The following DNAJC19 variants were observed in gnomAD, a reference collection of about 807,000 sequenced individuals.
DNAJC19 encodes the protein mitochondrial import inner membrane translocase subunit TIM14.
DNAJC19 carries 15 observed loss-of-function variants against 19.8 expected under a neutral mutation model. The ratio of observed to expected loss-of-function variants is 0.76; its 90% CI spans 0.51 to 1.17. The LOEUF is 1.17. Among genes scored for constraint, DNAJC19 ranks in the 50% most tolerant of loss-of-function variants. DNAJC19 has a pLI of 0.00. For missense variants in DNAJC19, 105 were observed against 140.9 expected, an observed-to-expected ratio of 0.75 and a Z score of 1.29; for synonymous variants, 38 against 42.1, an observed-to-expected ratio of 0.90 and a Z score of 0.38.
rs758818689 is a variant in DNAJC19, at chr3:180,986,986, G to A, written c.166C>T (p.Pro56Ser). Residue 56 changes from proline to serine, a missense_variant, in exon 4 of 6, where the codon CCC (proline) becomes TCC (serine). Pro to Ser is a moderately conservative substitution (Grantham distance 74, BLOSUM62 -1). Coordinates refer to ENST00000382564, the MANE Select transcript of DNAJC19 (RefSeq NM_145261.4). Reference protein sequence around the residue: ...SGGYYRGGFEPKMTKREAALI... With the variant: ...SGGYYRGGFESKMTKREAALI... ...GCTGCTTCCCGTTTTGTCATTTTGG[G>A]TTCAAACCCACCTCTATAATAGCCA... 3 of 1,613,766 alleles carry A rather than the reference G, an allele frequency of 1.9e-6. No homozygotes were observed. The highest frequency in any genetic ancestry group is 1.1e-5 in the South Asian group (1 of 91,072).
intron 4 of DNAJC19, 124 bp from the exon 5 acceptor site, chr3:180,986,120 T>C: frequency 1.2e-6 from 1 of 813,292 alleles, no homozygotes; most frequent in Non-Finnish European, 2.0e-6. Flanking sequence ...TATGAAAAGC[T>C]GTTTAGAAAC....
chr3:180,987,176 G>A, intron 3 of DNAJC19, 154 bp from the exon 4 acceptor site: 2 of 682,176 alleles, frequency 2.9e-6, no homozygotes, highest in Non-Finnish European at 5.2e-6. Flanking sequence ...GCTGAATAAA[G>A]TTTATAAATA....
chr3:180,984,828 G>A, intron 5 of DNAJC19, 118 bp from the exon 6 acceptor site: 1 of 708,364 alleles, frequency 1.4e-6, no homozygotes, highest in East Asian at 2.9e-5. Flanking sequence ...AGCAGAAACA[G>A]TGTTTTAATT....
rs765170683 is a variant in DNAJC19, at chr3:180,989,611, C to T, written c.-9G>A. The T allele has an allele frequency of 8.5e-5, 135 of 1,587,192 alleles. No individual in the cohort carries two copies. In the South Asian group the frequency reaches 1.5e-3, roughly 18 times the overall value. On this transcript the variant is annotated 5_prime_UTR_variant, in exon 1 of 6. Coordinates refer to ENST00000382564, the MANE Select transcript of DNAJC19 (RefSeq NM_145261.4). ...AAGGCCGCACTCACCATGGCTCCGG[C>T]TGGGCTCCCTTGCTTCCACCGGGAG...
chr3:180,985,799 G>T, intron 5 of DNAJC19, 127 bp downstream of exon 5: 1 of 816,656 alleles, frequency 1.2e-6, no homozygotes, highest in Non-Finnish European at 2.1e-6. Context: ...TATGGCTCCA[G>T]CCTAGGAGAC....
intron 4 of DNAJC19, 152 bp downstream of exon 4, chr3:180,986,790 GT>G: frequency 2.9e-6 from 2 of 688,468 alleles, no homozygotes; most frequent in Non-Finnish European, 5.2e-6. Flanking sequence ...TGAAGGAACA[GT>G]ACAGTTTCAT....
chr3:180,986,162 GA>G (rs1714894601), intron 4 of DNAJC19, among the ~76,000 whole-genome samples, 166 bp from the exon 5 acceptor site: 3 of 152,036 alleles, frequency 2.0e-5, no homozygotes, highest in African/African-American at 4.8e-5. Flanking sequence ...CCTAAATTGG[GA>G]AACTACTTAG....
In DNAJC19 at chr3:180,983,769, T is replaced by C. The variant is rs991260962; in HGVS notation, c.*871A>G. The C allele has an allele frequency of 1.1e-5, 5 of 451,836 alleles. No homozygotes were observed. The highest frequency in any genetic ancestry group is 1.0e-4 in the African/African-American group (5 of 49,862). The allele number at this position is 451,836 out of a possible 1,614,324, so 28.0% of individuals were successfully genotyped here. A position where few individuals can be genotyped will look rare whatever the true frequency, so the allele number is the denominator to read the frequency against. On this transcript the variant is annotated 3_prime_UTR_variant, in exon 6 of 6. Transcript: ENST00000382564. The stretch of plus-strand genomic sequence containing the variant: ...TAAATTCTAAAGAGTCCAAATTAAA[T>C]ATGTTGATATTGAGAACATTTCAGT...
Position 180,988,034 on chromosome 3 carries a change from G to C in DNAJC19, c.118C>G (p.Leu40Val). Residue 40 changes from leucine to valine, a missense_variant, in exon 3 of 6, where the codon CTA becomes GTA. By Grantham distance (32) the Leu-to-Val change is conservative. Coordinates refer to ENST00000382564, the MANE Select transcript of DNAJC19 (RefSeq NM_145261.4). ...EPQVKQVFQS[L>V]PKSAFSGGYY... ...TAACAAAGTCTTACAGATTTTGGTA[G>C]GCTTTGAAAAACTTGTTTTACTTGA... 6.2e-7 allele frequency: 1 copy of C among 1,614,144 alleles called. No individual in the cohort carries two copies.
intron 5 of DNAJC19, chr3:180,985,262 A>C (rs978784142): frequency 1.3e-5 from 2 of 154,440 alleles, no homozygotes; most frequent in African/African-American, 2.4e-5. Flanking sequence ...TATGGTCCTA[A>C]GACCAGCAAG....
chr3:180,985,175 C>T (rs1274797249), intron 5 of DNAJC19, among the ~76,000 whole-genome samples: 1 of 152,058 alleles, frequency 6.6e-6, no homozygotes, highest in African/African-American at 2.4e-5. Context: ...TTTTTCTTTT[C>T]CTGTTATCTA....
upstream of DNAJC19, chr3:180,989,741 G>A (rs1402839451): frequency 7.1e-7 from 1 of 1,412,618 alleles, no homozygotes; most frequent in Middle Eastern, 1.7e-4. Flanking sequence ...CAACACGGCA[G>A]GAGCAGCCGC....
chr3:180,989,647 C>T lies in DNAJC19; in HGVS notation c.-45G>A, dbSNP rs918515573. 1 of 1,579,178 alleles carries T rather than the reference C, an allele frequency of 6.3e-7. No homozygotes were observed. ...TGCTTCCACCGGGAGCACGGCTCAT[C>T]CCAGCTCAGAGGCCGCGGCCAACAC... is the stretch of plus-strand genomic sequence containing the variant. On this transcript the variant is annotated 5_prime_UTR_variant, in exon 1 of 6. Coordinates refer to ENST00000382564, the MANE Select transcript of DNAJC19 (RefSeq NM_145261.4).
Position 180,983,821 on chromosome 3 carries a change from C to CT in DNAJC19, c.*818dup, listed in dbSNP as rs1714742352. 1 of 453,978 alleles carries CT rather than the reference C, an allele frequency of 2.2e-6. No homozygotes were observed. The highest frequency in any genetic ancestry group is 4.4e-6 in the Non-Finnish European group (1 of 226,760). The allele number at this position is 453,978 out of a possible 1,614,324, so 28.1% of individuals were successfully genotyped here. ...TTCAGTTTTGCTAACAGGGTTTAAG[C>CT]TTAATCATAACAATTGCAGAAGTTT... is the stretch of plus-strand genomic sequence containing the variant. On this transcript the variant is annotated 3_prime_UTR_variant, in exon 6 of 6. Coordinates refer to ENST00000382564, the MANE Select transcript of DNAJC19 (RefSeq NM_145261.4).
chr3:180,988,328 A>G, intron 1 of DNAJC19, 99 bp from the exon 2 acceptor site: 1 of 1,336,072 alleles, frequency 7.5e-7, no homozygotes, highest in African/African-American at 1.5e-5. Context: ...ACTGCATTTT[A>G]ATAGGAGAAA....
intron 4 of DNAJC19, among the ~76,000 whole-genome samples, chr3:180,986,406 C>T (rs1249385367): frequency 6.6e-6 from 1 of 151,840 alleles, no homozygotes; most frequent in Non-Finnish European, 1.5e-5. Flanking sequence ...CTCAGCCTTC[C>T]GAGTAGCTGG....
intron 5 of DNAJC19, among the ~76,000 whole-genome samples, 167 bp from the exon 6 acceptor site, chr3:180,984,877 A>C (rs1714819546): frequency 6.6e-6 from 1 of 152,168 alleles, no homozygotes; most frequent in Admixed American, 6.5e-5. Flanking sequence ...GGATGACCAA[A>C]TATATGGTAA....
Position 180,988,353 on chromosome 3 carries a change from CTTTTTTTTTT to C in DNAJC19, c.4-134_4-125del, listed in dbSNP as rs369840102. ...AATAGGAGAAACAACTTTTTTTTTT[CTTTTTTTTTT>C]TTTTTTTTTAAGAGACGGAGTCTTG... On this transcript the variant is annotated intron_variant, in intron 1 of 5. Coordinates refer to ENST00000382564, the MANE Select transcript of DNAJC19 (RefSeq NM_145261.4). 3.8e-5 allele frequency: 25 copies of C among 650,254 alleles called. No homozygotes were observed. The East Asian group carries it at 6.1e-4, about 16-fold the overall frequency. The allele number at this position is 650,254 out of a possible 1,614,324, so 40.3% of individuals were successfully genotyped here.
chr3:180,986,585 G>T (rs986581255), intron 4 of DNAJC19: 6 of 217,184 alleles, frequency 2.8e-5, no homozygotes, highest in African/African-American at 1.4e-4. Context: ...CCCGGTTGAA[G>T]GCAGAATTTC....
Sources: allele counts gnomAD v4.1 joint callset (sites outside exome capture counted in the v4.1 genomes callset), GRCh38; gene constraint gnomAD v4.1.1; transcripts MANE v1.5; gene names NCBI Gene and HGNC (gene_info 2026-07-23, HGNC 2026-07-21).